UBTD2: variants seen among roughly 807,000 people sequenced by gnomAD.
UBTD2 encodes the protein ubiquitin domain-containing protein 2.
A neutral mutation model predicts 19.8 loss-of-function variants in UBTD2; 9 were observed. That is an observed-to-expected ratio of 0.46 (90% confidence interval 0.27 to 0.79). UBTD2 has a LOEUF of 0.79. Ranked by LOEUF, UBTD2 falls within the 30% of genes least tolerant of loss-of-function variation. UBTD2 has a pLI of 0.14. For missense variants in UBTD2, 250 were observed against 300.4 expected, an observed-to-expected ratio of 0.83 and a Z score of 1.24; for synonymous variants, 98 against 103.9, an observed-to-expected ratio of 0.94 and a Z score of 0.35.
At chr5:172,274,039 C>T (rs1025848959) in intron 1 of UBTD2, among the ~76,000 whole-genome samples, 1 of 151,826 alleles carries the variant, frequency 6.6e-6, no homozygotes, top group Non-Finnish European at 1.5e-5. Context: ...CAGAGCTCAC[C>T]GACCCAGAAA....
intron 1 of UBTD2, among the ~76,000 whole-genome samples, chr5:172,245,584 T>C (rs1230901262): frequency 2.0e-5 from 3 of 152,054 alleles, no homozygotes; most frequent in Non-Finnish European, 4.4e-5. Context: ...TGGTGGCGCA[T>C]GCCTGTAATC....
At chr5:172,245,649 C>CTGCA (rs1417895530) in intron 1 of UBTD2, among the ~76,000 whole-genome samples, 2 of 151,346 alleles carry the variant, frequency 1.3e-5, no homozygotes, top group Non-Finnish European at 2.9e-5. Context: ...GAGGCAGAGG[C>CTGCA]TGCAGTGAGC....
At chr5:172,251,933 T>C (rs1755032888) in intron 1 of UBTD2, among the ~76,000 whole-genome samples, 2 of 152,178 alleles carry the variant, frequency 1.3e-5, no homozygotes, top group African/African-American at 4.8e-5. Context: ...GAAAGGAAGA[T>C]GAGGGAGATG....
intron 1 of UBTD2, among the ~76,000 whole-genome samples, chr5:172,240,154 G>GC (rs1035398991): frequency 6.6e-6 from 1 of 152,148 alleles, no homozygotes; most frequent in Non-Finnish European, 1.5e-5. Flanking sequence ...CAGCTCCCTA[G>GC]CCCTATCTAA....
At chr5:172,280,509 C>CAAAA (rs376156166) in intron 1 of UBTD2, among the ~76,000 whole-genome samples, 3 of 94,988 alleles carry the variant, frequency 3.2e-5, no homozygotes, top group Non-Finnish European at 2.1e-5. Flanking sequence ...GACTCCATCT[C>CAAAA]AAAAAAAAAA....
At chr5:172,216,734 T>C (rs1017444425) in intron 2 of UBTD2, among the ~76,000 whole-genome samples, 34 of 151,336 alleles carry the variant, frequency 2.2e-4, no homozygotes, top group Admixed American at 9.2e-4. Flanking sequence ...GATGGGCAGA[T>C]AGCTTGAGAT....
At chr5:172,269,422 C>T (rs1367170270) in intron 1 of UBTD2, among the ~76,000 whole-genome samples, 3 of 146,282 alleles carry the variant, frequency 2.1e-5, no homozygotes, top group East Asian at 2.0e-4. Flanking sequence ...GCCTGGGAGG[C>T]GGAGGTTGCA....
At chr5:172,233,871 AG>A (rs1452616887) in intron 2 of UBTD2, among the ~76,000 whole-genome samples, 1 of 152,130 alleles carries the variant, frequency 6.6e-6, no homozygotes, top group Non-Finnish European at 1.5e-5. Context: ...GAAACTTTTT[AG>A]ATGATCAAGA....
chr5:172,231,547 T>C (rs981422863), intron 2 of UBTD2, among the ~76,000 whole-genome samples: 1 of 152,200 alleles, frequency 6.6e-6, no homozygotes, highest in African/African-American at 2.4e-5. Context: ...CAGTAGGATA[T>C]GCATGAGGCC....
At position 172,242,276 on chromosome 5, in the gene UBTD2, A is replaced by G. The variant is rs550278784; in HGVS notation, c.71-7918T>C. The G allele has an allele frequency of 5.7e-5, 32 of 561,944 alleles. No homozygotes were observed. In the African/African-American group the frequency reaches 6.3e-4, roughly 11 times the overall value. The allele number at this position is 561,944 out of a possible 1,614,324, so 34.8% of individuals were successfully genotyped here. On this transcript the variant is annotated intron_variant, in intron 1 of 2. Coordinates refer to ENST00000393792, the MANE Select transcript of UBTD2 (RefSeq NM_152277.3). Reference sequence around the variant, plus strand: ...CCTTTATGGCAAGGCAAACAGTCAGATTAACACACTATAATATCGTTGTCA... The same window carrying G: ...CCTTTATGGCAAGGCAAACAGTCAGGTTAACACACTATAATATCGTTGTCA...
chr5:172,264,188 C>T (rs1040520795), intron 1 of UBTD2, among the ~76,000 whole-genome samples: 1 of 151,960 alleles, frequency 6.6e-6, no homozygotes, highest in Admixed American at 6.6e-5. Flanking sequence ...AAATCAGTAC[C>T]AGCAATAACT....
intron 2 of UBTD2, among the ~76,000 whole-genome samples, chr5:172,217,906 AC>A (rs1245289759): frequency 3.9e-5 from 6 of 152,326 alleles, no homozygotes; most frequent in Non-Finnish European, 8.8e-5. Context: ...AGCCTTCAAC[AC>A]CCCTCAATCA....
At chr5:172,248,761 C>CAA (rs1248793919) in intron 1 of UBTD2, among the ~76,000 whole-genome samples, 1 of 127,976 alleles carries the variant, frequency 7.8e-6, no homozygotes, top group Non-Finnish European at 1.7e-5. Flanking sequence ...GATCCTGTCT[C>CAA]AAAAAAAAAA....
At chr5:172,260,594 C>T (rs1755248114) in intron 1 of UBTD2, among the ~76,000 whole-genome samples, 1 of 152,096 alleles carries the variant, frequency 6.6e-6, no homozygotes, top group Non-Finnish European at 1.5e-5. Flanking sequence ...CTATTCCTAC[C>T]CTACAACTGA....
intron 1 of UBTD2, chr5:172,255,558 G>A (rs1755123907): frequency 7.5e-6 from 2 of 268,126 alleles, no homozygotes; most frequent in South Asian, 1.0e-4. Flanking sequence ...AGTAATGTCA[G>A]GGTTCCGGGC....
intron 1 of UBTD2, among the ~76,000 whole-genome samples, chr5:172,251,322 A>AAAAAAG (rs1167001796): frequency 2.0e-5 from 3 of 151,604 alleles, no homozygotes; most frequent in Non-Finnish European, 4.4e-5. Context: ...CTCAAAAAAA[A>AAAAAAG]AAAAGAAAAT....
intron 2 of UBTD2, among the ~76,000 whole-genome samples, chr5:172,227,695 C>CTTTTTT (rs1164255222): frequency 2.8e-5 from 2 of 72,164 alleles, no homozygotes; most frequent in Non-Finnish European, 4.8e-5. Flanking sequence ...ATGAAAAATT[C>CTTTTTT]TTTTTTTTTT....
intron 1 of UBTD2, among the ~76,000 whole-genome samples, chr5:172,267,574 CTT>C (rs1203358506): frequency 2.6e-5 from 4 of 152,192 alleles, no homozygotes; most frequent in Admixed American, 1.3e-4. Context: ...GAAAATATAA[CTT>C]AAGTCATAAC....
chr5:172,220,417 CCT>C (rs1457642219), intron 2 of UBTD2, among the ~76,000 whole-genome samples: 1 of 152,162 alleles, frequency 6.6e-6, no homozygotes, highest in Non-Finnish European at 1.5e-5. Flanking sequence ...GGGTGGATCC[CCT>C]GAGGTGGGGA....
Sources: gnomAD v4.1 joint callset for allele counts (sites outside exome capture counted in the v4.1 genomes callset) on GRCh38, gnomAD v4.1.1 for gene constraint, MANE v1.5 for transcripts, NCBI Gene and HGNC (gene_info 2026-07-23, HGNC 2026-07-21) for gene names.